Variants in RAMP1 observed in about 807,000 individuals in gnomAD.
RAMP1 encodes receptor activity modifying protein 1.
In RAMP1, 7 loss-of-function variants were observed where a neutral mutation model predicts 8.2. The observed-to-expected ratio is 0.85, with a 90% CI of 0.49 to 1.60. The LOEUF (loss-of-function observed/expected upper bound fraction) is 1.60, where lower values mean the gene tolerates loss of function less well. RAMP1 is among the 40% of genes most tolerant of loss of function. The pLI is 0.00. For missense variants in RAMP1, 192 were observed against 202.4 expected, an observed-to-expected ratio of 0.95 and a Z score of 0.31; for synonymous variants, 92 against 84.7, an observed-to-expected ratio of 1.09 and a Z score of -0.47.
rs13405506 is a variant in RAMP1, at chr2:237,878,605, C to T, written c.191+1243C>T. Among the ~76,000 whole-genome samples the T allele has an allele frequency of 0.21, 32,075 of 152,160 alleles. 4,221 individuals are homozygous for T. Among genetic ancestry groups the T allele is most frequent in the African/African-American group, 0.38 (15,618 of 41,514 alleles). On this transcript the variant is annotated intron_variant, in intron 2 of 2. Transcript: ENST00000254661. This position sits in a 1 kb window ranked among gnomAD's most constrained non-coding sequence, Gnocchi z 5.7. Reference sequence around the variant, plus strand: ...TGGCCACAGCCTGCCCTCTTCAGTCCTACTGAGATTGGCAGATGAGTGGCC... The same window carrying T: ...TGGCCACAGCCTGCCCTCTTCAGTCTTACTGAGATTGGCAGATGAGTGGCC...
chr2:237,863,989 G>C (rs1242555295), intron 1 of RAMP1, among the ~76,000 whole-genome samples: 2 of 152,100 alleles, frequency 1.3e-5, no homozygotes, highest in African/African-American at 4.8e-5. Context: ...CAGGGACAGG[G>C]GGTCTTCCTC....
At chr2:237,873,414 GC>G (rs1429631176) in intron 1 of RAMP1, among the ~76,000 whole-genome samples, 1 of 152,188 alleles carries the variant, frequency 6.6e-6, no homozygotes, top group African/African-American at 2.4e-5. Context: ...CCTGTGGGGG[GC>G]CCGGCTGCCC....
intron 2 of RAMP1, among the ~76,000 whole-genome samples, chr2:237,899,857 C>T (rs541146701): frequency 1.3e-5 from 2 of 152,152 alleles, no homozygotes; most frequent in East Asian, 3.9e-4. Context: ...GTGGGAGGAT[C>T]GCTTGAGCCC....
chr2:237,897,757 TTTTG>T (rs982428122), intron 2 of RAMP1, among the ~76,000 whole-genome samples: 3 of 123,732 alleles, frequency 2.4e-5, no homozygotes, highest in African/African-American at 8.6e-5. Flanking sequence ...ATTCTTCTTT[TTTTG>T]TTTGTTTTGG....
rs1440181495 is a variant in RAMP1 at position 237,878,058 on chromosome 2, C to G, written c.191+696C>G. 4 of 985,352 alleles carry G rather than the reference C, an allele frequency of 4.1e-6. No individual in the cohort carries two copies. The highest frequency in any genetic ancestry group is 5.2e-4 in the Middle Eastern group (1 of 1,936). 61.0% of individuals were successfully genotyped at this position (985,352 alleles called of 1,614,324 possible). A position where few individuals can be genotyped will look rare whatever the true frequency, so the allele number is the denominator to read the frequency against. On this transcript the variant is annotated intron_variant, in intron 2 of 2. Coordinates refer to ENST00000254661, the MANE Select transcript of RAMP1 (RefSeq NM_005855.4). This position sits in a 1 kb window ranked among gnomAD's most constrained non-coding sequence, Gnocchi z 5.7. ...GCATGTCCGCAATCGACTTTCAAGTCCTTGTTTCTGCCTCCGTGGGAGGCG... is the reference window on the plus strand; with the variant it reads ...GCATGTCCGCAATCGACTTTCAAGTGCTTGTTTCTGCCTCCGTGGGAGGCG...
chr2:237,868,876 A>G (rs1272282245), intron 1 of RAMP1, among the ~76,000 whole-genome samples: 2 of 152,176 alleles, frequency 1.3e-5, no homozygotes, highest in Non-Finnish European at 2.9e-5. Flanking sequence ...CCCGATACTC[A>G]TTGCTAGTTT....
chr2:237,871,640 G>A (rs1400100168), intron 1 of RAMP1, among the ~76,000 whole-genome samples: 1 of 152,126 alleles, frequency 6.6e-6, no homozygotes, highest in African/African-American at 2.4e-5. Context: ...CTACCCTCTG[G>A]GACAGTCGTC....
At chr2:237,866,577 C>G (rs565571997) in intron 1 of RAMP1, among the ~76,000 whole-genome samples, 39 of 152,124 alleles carry the variant, frequency 2.6e-4, no homozygotes, top group African/African-American at 9.4e-4. Context: ...AGGGGTGGGG[C>G]GCCGAACCCC....
chr2:237,881,590 G>A (rs1006461967), intron 2 of RAMP1, among the ~76,000 whole-genome samples: 3 of 152,234 alleles, frequency 2.0e-5, no homozygotes, highest in Non-Finnish European at 2.9e-5. Context: ...CTGTGTTGTC[G>A]TCCATTAGAG....
At chr2:237,901,206 C>G (rs942511534) in intron 2 of RAMP1, among the ~76,000 whole-genome samples, 1 of 152,256 alleles carries the variant, frequency 6.6e-6, no homozygotes, top group Non-Finnish European at 1.5e-5. Context: ...GTACATCCCT[C>G]TCTCGCTGTC....
intron 2 of RAMP1, among the ~76,000 whole-genome samples, chr2:237,889,518 C>G (rs145839774): frequency 6.6e-6 from 1 of 152,284 alleles, no homozygotes; most frequent in East Asian, 1.9e-4. Flanking sequence ...TACTTATATT[C>G]TGGGGTCGTA....
intron 2 of RAMP1, among the ~76,000 whole-genome samples, chr2:237,880,215 G>A (rs75316213): frequency 0.028 from 4,204 of 152,200 alleles, 181 homozygotes; most frequent in African/African-American, 0.095. Flanking sequence ...CTAATCAGGT[G>A]GCTTTGAGAT....
At chr2:237,891,927 C>G (rs989133944) in intron 2 of RAMP1, among the ~76,000 whole-genome samples, 1 of 152,182 alleles carries the variant, frequency 6.6e-6, no homozygotes, top group African/African-American at 2.4e-5. Context: ...TGCCACCACC[C>G]ATGCCTCTCA....
intron 2 of RAMP1, among the ~76,000 whole-genome samples, chr2:237,881,585 T>G (rs548962340): frequency 6.6e-6 from 1 of 152,384 alleles, no homozygotes; most frequent in African/African-American, 2.4e-5. Context: ...ACAGACTGTG[T>G]TGTCGTCCAT....
At position 237,877,474 on chromosome 2, in the gene RAMP1, G is replaced by C. The variant is rs990341816; in HGVS notation, c.191+112G>C. ...GGAAGATCCTTTCTAGACCCCGGAA[G>C]GGTTCTTCCCCCAGTGGGGGGGGCC... is the stretch of plus-strand genomic sequence containing the variant. On this transcript the variant is annotated intron_variant, in intron 2 of 2. Coordinates refer to ENST00000254661, the MANE Select transcript of RAMP1 (RefSeq NM_005855.4). The surrounding 1 kb of genome is among the most constrained non-coding windows in gnomAD (Gnocchi z 4.4). The C allele has an allele frequency of 2.8e-6, 4 of 1,424,504 alleles. No homozygotes were observed. Among genetic ancestry groups the C allele is most frequent in the Non-Finnish European group, 3.7e-6 (4 of 1,069,442 alleles). The allele number at this position is 1,424,504 out of a possible 1,614,324, so 88.2% of individuals were successfully genotyped here.
intron 2 of RAMP1, among the ~76,000 whole-genome samples, chr2:237,896,260 C>T (rs1262556745): frequency 6.6e-6 from 1 of 152,230 alleles, no homozygotes; most frequent in South Asian, 2.1e-4. Flanking sequence ...CCCGTCCGCC[C>T]GCCTGCTGTG....
chr2:237,908,959 C>A (rs1189809925), intron 2 of RAMP1, among the ~76,000 whole-genome samples: 1 of 152,156 alleles, frequency 6.6e-6, no homozygotes, highest in African/African-American at 2.4e-5. Flanking sequence ...CCTGTTCCTA[C>A]CCTGGCTGCA....
In RAMP1 at chr2:237,862,852, C is replaced by G. The variant is rs538677007; in HGVS notation, c.52+3125C>G. Among the ~76,000 whole-genome samples the G allele has an allele frequency of 6.6e-6, 1 of 152,300 alleles. No individual in the cohort carries two copies. Among genetic ancestry groups the G allele is most frequent in the South Asian group, 2.1e-4 (1 of 4,832 alleles). On this transcript the variant is annotated intron_variant, in intron 1 of 2. Coordinates refer to ENST00000254661, the MANE Select transcript of RAMP1 (RefSeq NM_005855.4). This position sits in a 1 kb window ranked among gnomAD's most constrained non-coding sequence, Gnocchi z 4.0. ...CTGGACAGTCAGTGTTCTGCTGGAA[C>G]CACGGGGAAAAGCTGCGTCTTTCCT...
chr2:237,871,921 C>T (rs2062249579), intron 1 of RAMP1, among the ~76,000 whole-genome samples: 1 of 152,092 alleles, frequency 6.6e-6, no homozygotes, highest in Non-Finnish European at 1.5e-5. Context: ...AGTGAATTTA[C>T]TAACAATCAT....
Sources: gnomAD v4.1 joint callset for allele counts (sites outside exome capture counted in the v4.1 genomes callset) on GRCh38, gnomAD v4.1.1 for gene constraint, Gnocchi (gnomAD v3.1) non-coding constraint, MANE v1.5 for transcripts, NCBI Gene and HGNC (gene_info 2026-07-23, HGNC 2026-07-21) for gene names.